NPAS3: variants seen among roughly 807,000 people sequenced by gnomAD.
NPAS3 encodes neuronal PAS domain-containing protein 3.
In NPAS3, 14 loss-of-function variants were observed where a neutral mutation model predicts 73.1. The observed-to-expected ratio is 0.19, with a 90% CI of 0.13 to 0.30. The LOEUF (loss-of-function observed/expected upper bound fraction) is 0.30. Ranked by LOEUF, NPAS3 falls within the 10% of genes least tolerant of loss-of-function variation. The probability of loss-of-function intolerance (pLI) is 1.00; values close to 1 mark genes in which losing one functional copy is unlikely to be tolerated. For synonymous variants in NPAS3, 620 were observed against 541.5 expected, an observed-to-expected ratio of 1.14 and a Z score of -2.01; for missense variants, 1,096 against 1,250.0, an observed-to-expected ratio of 0.88 and a Z score of 1.86.
intron 2 of NPAS3, among the ~76,000 whole-genome samples, chr14:33,202,937 A>G (rs1324851913): frequency 6.6e-6 from 1 of 152,232 alleles, no homozygotes; most frequent in Non-Finnish European, 1.5e-5. Flanking sequence ...ATATCGTAAG[A>G]AAAGTCTTTT....
At position 33,485,315 on chromosome 14, in the gene NPAS3, T is replaced by C. The variant is rs550995622; in HGVS notation, c.469-74806T>C. On this transcript the variant is annotated intron_variant, in intron 4 of 11. Coordinates refer to ENST00000356141, the Ensembl canonical transcript of NPAS3. ...TAAACAGGAGGTGTTTTGAATGAAA[T>C]GCATGGTTTAATCACATTCTACTTT... 2.6e-5 allele frequency among the ~76,000 whole-genome samples: 4 copies of C among 152,286 alleles called. No individual in the cohort carries two copies. The South Asian group carries it at 8.3e-4, about 32-fold the overall frequency.
intron 2 of NPAS3, among the ~76,000 whole-genome samples, chr14:33,076,243 T>C (rs1192442362): frequency 1.3e-5 from 2 of 152,126 alleles, no homozygotes; most frequent in Non-Finnish European, 2.9e-5. Flanking sequence ...GCTTAGCGTG[T>C]TGCATGGGAA....
At chr14:33,289,667 A>C (rs1215032929) in intron 3 of NPAS3, among the ~76,000 whole-genome samples, 1 of 151,972 alleles carries the variant, frequency 6.6e-6, no homozygotes, top group Non-Finnish European at 1.5e-5. Flanking sequence ...CTAAAAATAC[A>C]AAAAATTAGC....
intron 5 of NPAS3, among the ~76,000 whole-genome samples, chr14:33,621,741 T>A (rs1299463933): frequency 6.6e-6 from 1 of 151,734 alleles, no homozygotes; most frequent in South Asian, 2.1e-4. Flanking sequence ...AAAACCTAAA[T>A]AAGCAAACTA....
At chr14:33,461,632 C>T (rs1264256780) in intron 4 of NPAS3, among the ~76,000 whole-genome samples, 1 of 152,208 alleles carries the variant, frequency 6.6e-6, no homozygotes, top group Non-Finnish European at 1.5e-5. Context: ...GACTGTTAGC[C>T]TTAAGCAGAA....
intron 2 of NPAS3, among the ~76,000 whole-genome samples, chr14:33,145,529 G>GGGA (rs2139203317): frequency 6.6e-6 from 1 of 152,084 alleles, no homozygotes; most frequent in Admixed American, 6.6e-5. Flanking sequence ...CGTCGTGATA[G>GGGA]GTGTCACTCA....
chr14:33,145,069 A>G (rs181775965), intron 2 of NPAS3, among the ~76,000 whole-genome samples: 68 of 152,326 alleles, frequency 4.5e-4, no homozygotes, highest in African/African-American at 1.5e-3. Flanking sequence ...CTCTCATGAT[A>G]TTTAAGTTAC....
intron 2 of NPAS3, among the ~76,000 whole-genome samples, chr14:33,067,105 T>C (rs2041307751): frequency 6.6e-6 from 1 of 152,212 alleles, no homozygotes; most frequent in Admixed American, 6.5e-5. Flanking sequence ...GGTAACTAAC[T>C]ATTGGAGACC....
intron 4 of NPAS3, among the ~76,000 whole-genome samples, chr14:33,546,537 T>G (rs1383519544): frequency 2.0e-5 from 3 of 152,234 alleles, no homozygotes; most frequent in Non-Finnish European, 4.4e-5. Context: ...GAAGCAAGCA[T>G]AAATGATTTG....
At chr14:33,571,097 G>A (rs1327656758) in intron 5 of NPAS3, among the ~76,000 whole-genome samples, 1 of 152,198 alleles carries the variant, frequency 6.6e-6, no homozygotes, top group African/African-American at 2.4e-5. Context: ...CGTTGGTGGT[G>A]TTTCCTATTG....
chr14:33,184,653 C>G (rs2045920852), intron 2 of NPAS3, among the ~76,000 whole-genome samples: 1 of 152,026 alleles, frequency 6.6e-6, no homozygotes, highest in Admixed American at 6.6e-5. Flanking sequence ...GGTAGTAGCA[C>G]AGATGGAAAG....
chr14:33,362,618 G>C (rs564119801), intron 3 of NPAS3, among the ~76,000 whole-genome samples: 3 of 152,056 alleles, frequency 2.0e-5, no homozygotes, highest in Non-Finnish European at 4.4e-5. Context: ...CTTCCCCCAG[G>C]CTCAGTGTGG....
intron 5 of NPAS3, among the ~76,000 whole-genome samples, chr14:33,633,911 C>G (rs1217714453): frequency 1.3e-5 from 2 of 151,946 alleles, no homozygotes; most frequent in Non-Finnish European, 2.9e-5. Flanking sequence ...CCCAGGACAT[C>G]GAGGCTGCAT....
At chr14:33,704,864 A>G (rs551456535) in intron 6 of NPAS3, among the ~76,000 whole-genome samples, 2 of 152,316 alleles carry the variant, frequency 1.3e-5, no homozygotes, top group South Asian at 2.1e-4. Flanking sequence ...AAAGCCTGAC[A>G]TAACTTCTAA....
At chr14:33,138,000 G>A (rs537374608) in intron 2 of NPAS3, among the ~76,000 whole-genome samples, 4 of 151,724 alleles carry the variant, frequency 2.6e-5, no homozygotes, top group African/African-American at 7.3e-5. Context: ...CAAAAATGAG[G>A]GATGGTGTAA....
intron 1 of NPAS3, among the ~76,000 whole-genome samples, chr14:33,045,247 CA>C (rs2040470367): frequency 6.6e-6 from 1 of 152,154 alleles, no homozygotes; most frequent in Non-Finnish European, 1.5e-5. Context: ...TCCCAGATGT[CA>C]TCCTGAACTA....
chr14:33,679,262 A>G (rs992409855), intron 6 of NPAS3, among the ~76,000 whole-genome samples: 5 of 152,156 alleles, frequency 3.3e-5, no homozygotes, highest in Non-Finnish European at 7.4e-5. Context: ...AGTGTTGGTT[A>G]TTTTCTATCT....
intron 2 of NPAS3, among the ~76,000 whole-genome samples, chr14:33,067,235 G>C (rs1218917910): frequency 6.6e-6 from 1 of 152,158 alleles, no homozygotes; most frequent in Non-Finnish European, 1.5e-5. Flanking sequence ...ATGGTCTGTT[G>C]AAATCTATTT....
At chr14:33,483,788 A>T (rs1241064301) in intron 4 of NPAS3, among the ~76,000 whole-genome samples, 1 of 152,182 alleles carries the variant, frequency 6.6e-6, no homozygotes, top group Non-Finnish European at 1.5e-5. Context: ...CCCTCCGTTG[A>T]AATATGCTCC....
Sources: allele counts gnomAD v4.1 joint callset (sites outside exome capture counted in the v4.1 genomes callset), GRCh38; gene constraint gnomAD v4.1.1; transcripts MANE v1.5; gene names NCBI Gene and HGNC (gene_info 2026-07-23, HGNC 2026-07-21).